The following DLG2 variants were observed in gnomAD, a reference collection of about 807,000 sequenced individuals.
DLG2 encodes the protein discs large MAGUK scaffold protein 2.
DLG2 carries 45 observed loss-of-function variants against 132.5 expected under a neutral mutation model. The ratio of observed to expected loss-of-function variants is 0.34; its 90% CI spans 0.27 to 0.44. The LOEUF is 0.44. Ranked by LOEUF, DLG2 falls within the 20% of genes least tolerant of loss-of-function variation. The pLI is 1.00. For synonymous variants in DLG2, 424 were observed against 419.6 expected, an observed-to-expected ratio of 1.01 and a Z score of -0.13; for missense variants, 1,045 against 1,196.9, an observed-to-expected ratio of 0.87 and a Z score of 1.87.
In DLG2 at chr11:83,994,281, G is replaced by A. The variant is rs149899895; in HGVS notation, c.920-13639C>T. On this transcript the variant is annotated intron_variant, in intron 11 of 27. Transcript: ENST00000376104. ...CTGTGATATGCACAAATATGTTGTA[G>A]GAATATCTCATTCCCCCACGTTGGA... Among the ~76,000 whole-genome samples, 322 of 152,254 alleles carry A rather than the reference G, an allele frequency of 2.1e-3. 2 individuals carry two copies. The highest frequency in any genetic ancestry group is 7.4e-3 in the African/African-American group (308 of 41,546).
rs554036009 is a variant in DLG2 at position 85,212,076 on chromosome 11, A to G, written c.187-57425T>C. ...ATCTTACACTCCCCCTCTATCCATCATATATCCATATATCCCACCTTATAT... is the reference window on the plus strand; with the variant it reads ...ATCTTACACTCCCCCTCTATCCATCGTATATCCATATATCCCACCTTATAT... On this transcript the variant is annotated intron_variant, in intron 4 of 27. Coordinates refer to ENST00000376104, the MANE Select transcript of DLG2 (RefSeq NM_001142699.3). Among the ~76,000 whole-genome samples the G allele has an allele frequency of 2.6e-5, 4 of 152,200 alleles. No individual in the cohort carries two copies. In the East Asian group the frequency reaches 5.8e-4, roughly 22 times the overall value.
chr11:84,234,721 C>T (rs1849877), intron 8 of DLG2, among the ~76,000 whole-genome samples: 106,908 of 152,000 alleles, frequency 0.7, 38,510 homozygotes, highest in Middle Eastern at 0.83. Context: ...ATTAACGTTA[C>T]AATAGAAGAC....
chr11:85,479,010 G>C (rs56742402), intron 3 of DLG2, among the ~76,000 whole-genome samples: 6,451 of 152,112 alleles, frequency 0.042, 437 homozygotes, highest in African/African-American at 0.15. Flanking sequence ...AAACAATGAA[G>C]AAAAAGATTT....
At chr11:85,528,653 C>T (rs1397050574) in intron 3 of DLG2, among the ~76,000 whole-genome samples, 1 of 152,188 alleles carries the variant, frequency 6.6e-6, no homozygotes, top group Non-Finnish European at 1.5e-5. Context: ...GGTTATGCTT[C>T]ATGAATAAAT....
At chr11:85,322,745 T>C (rs2081164655) in intron 3 of DLG2, among the ~76,000 whole-genome samples, 1 of 152,168 alleles carries the variant, frequency 6.6e-6, no homozygotes, top group South Asian at 2.1e-4. Flanking sequence ...AAGTCATCCT[T>C]GATACCTCCC....
chr11:84,593,044 A>C (rs1048279692), intron 6 of DLG2, among the ~76,000 whole-genome samples: 76 of 146,682 alleles, frequency 5.2e-4, no homozygotes, highest in African/African-American at 1.8e-3. Flanking sequence ...ACTTGAACCC[A>C]GGAGATGGAG....
intron 11 of DLG2, among the ~76,000 whole-genome samples, chr11:84,020,704 C>A (rs949821818): frequency 2.0e-5 from 3 of 152,094 alleles, no homozygotes; most frequent in African/African-American, 7.2e-5. Flanking sequence ...TCTTTCATGC[C>A]TTGTGGGCAA....
At chr11:83,491,227 C>A (rs1367982) in intron 21 of DLG2, among the ~76,000 whole-genome samples, 1 of 150,242 alleles carries the variant, frequency 6.7e-6, no homozygotes, top group African/African-American at 2.4e-5. Context: ...AAGGGGCTAC[C>A]TGTACCTAGA....
intron 7 of DLG2, among the ~76,000 whole-genome samples, chr11:84,337,617 G>GA (rs758460912): frequency 6.6e-6 from 1 of 151,896 alleles, no homozygotes; most frequent in Non-Finnish European, 1.5e-5. Context: ...AGAATTTGTA[G>GA]AAAAAAATAG....
chr11:85,146,575 T>C (rs1443202635), intron 5 of DLG2, among the ~76,000 whole-genome samples: 2 of 152,130 alleles, frequency 1.3e-5, no homozygotes, highest in Non-Finnish European at 1.5e-5. Context: ...AGCGTGGTGC[T>C]TTATTTTACC....
chr11:84,359,557 C>A (rs745773607), intron 7 of DLG2, among the ~76,000 whole-genome samples: 1 of 151,834 alleles, frequency 6.6e-6, no homozygotes, highest in African/African-American at 2.4e-5. Flanking sequence ...AAAAGTTCAA[C>A]GACTTTCAGA....
At chr11:85,115,586 G>C (rs1268477358) in intron 5 of DLG2, among the ~76,000 whole-genome samples, 2 of 151,930 alleles carry the variant, frequency 1.3e-5, no homozygotes, top group East Asian at 1.9e-4. Context: ...ACAAGCGTAA[G>C]GGAAAATTAT....
At chr11:83,499,333 A>T (rs1189090915) in intron 21 of DLG2, among the ~76,000 whole-genome samples, 3 of 152,192 alleles carry the variant, frequency 2.0e-5, no homozygotes, top group African/African-American at 7.2e-5. Flanking sequence ...GTGGCTTAAC[A>T]TTCCTATGTT....
intron 6 of DLG2, among the ~76,000 whole-genome samples, chr11:85,041,350 A>G (rs1202578411): frequency 6.6e-6 from 1 of 151,940 alleles, no homozygotes; most frequent in African/African-American, 2.4e-5. Flanking sequence ...TTTATATTCC[A>G]AGTTTCTGCT....
chr11:84,593,700 G>A (rs1025891470), intron 6 of DLG2, among the ~76,000 whole-genome samples: 5 of 152,144 alleles, frequency 3.3e-5, no homozygotes, highest in Admixed American at 2.6e-4. Flanking sequence ...TAATGTAGAC[G>A]ACGGGTTGAT....
chr11:84,484,658 C>T (rs1163772573), intron 7 of DLG2, among the ~76,000 whole-genome samples: 1 of 152,006 alleles, frequency 6.6e-6, no homozygotes, highest in Non-Finnish European at 1.5e-5. Flanking sequence ...AAGCAATATC[C>T]CCAATTTCGA....
At chr11:85,484,647 A>G (rs1196948954) in intron 3 of DLG2, among the ~76,000 whole-genome samples, 3 of 152,140 alleles carry the variant, frequency 2.0e-5, no homozygotes, top group Admixed American at 1.3e-4. Context: ...CAAAACCACA[A>G]TGAGATACCA....
chr11:85,125,838 C>T, intron 5 of DLG2, among the ~76,000 whole-genome samples: 1 of 112,642 alleles, frequency 8.9e-6, no homozygotes, highest in African/African-American at 3.7e-5. Context: ...CACACACACA[C>T]ACACACAAGA....
chr11:84,588,932 T>C (rs1245179964), intron 6 of DLG2, among the ~76,000 whole-genome samples: 1 of 152,134 alleles, frequency 6.6e-6, no homozygotes, highest in Non-Finnish European at 1.5e-5. Flanking sequence ...TTGCCTGAGA[T>C]CAAAGAACCC....
Sources: gnomAD v4.1 joint callset for allele counts (sites outside exome capture counted in the v4.1 genomes callset) on GRCh38, gnomAD v4.1.1 for gene constraint, MANE v1.5 for transcripts, NCBI Gene and HGNC (gene_info 2026-07-23, HGNC 2026-07-21) for gene names.